Variants in EXOC6B observed in about 807,000 individuals in gnomAD.
The protein encoded by EXOC6B is SEC15 homolog B.
Under a neutral mutation model 113.5 loss-of-function variants are expected in EXOC6B, and 54 were observed. The observed-to-expected ratio is 0.48, with a 90% CI of 0.38 to 0.60. EXOC6B has a LOEUF of 0.60. Among genes scored for constraint, EXOC6B ranks in the 20% least tolerant of loss-of-function variants. The pLI is 0.00. For missense variants in EXOC6B, 797 were observed against 977.5 expected, an observed-to-expected ratio of 0.82 and a Z score of 2.46; for synonymous variants, 357 against 339.0, an observed-to-expected ratio of 1.05 and a Z score of -0.58.
chr2:72,423,749 G>A lies in EXOC6B; in HGVS notation c.1980+41411C>T, dbSNP rs145790683. ...TGTGTGTGCATGCACATACATACAC[G>A]TGCACACATACATACACACATGCAC... On this transcript the variant is annotated intron_variant, in intron 18 of 21. Transcript: ENST00000272427. 4.9e-3 allele frequency among the ~76,000 whole-genome samples: 742 copies of A among 151,890 alleles called. 9 individuals are homozygous for A. Among genetic ancestry groups the A allele is most frequent in the African/African-American group, 0.017 (684 of 41,432 alleles).
intron 6 of EXOC6B, among the ~76,000 whole-genome samples, chr2:72,712,179 G>T (rs985183910): frequency 6.6e-6 from 1 of 152,120 alleles, no homozygotes; most frequent in African/African-American, 2.4e-5. Context: ...CTATACAATT[G>T]TTTCCTAGAT....
chr2:72,381,043 C>T (rs535807952), intron 18 of EXOC6B, among the ~76,000 whole-genome samples: 2 of 152,216 alleles, frequency 1.3e-5, no homozygotes, highest in South Asian at 2.1e-4. Context: ...GTTTAAGCCC[C>T]GGTGTGACCT....
In EXOC6B at chr2:72,416,331, C is replaced by T. The variant is rs182762669; in HGVS notation, c.1981-36461G>A. On this transcript the variant is annotated intron_variant, in intron 18 of 21. Coordinates refer to ENST00000272427, the MANE Select transcript of EXOC6B (RefSeq NM_015189.3). ...TCCTTTCCAATTATGGCAATAGACT[C>T]GCCAAGTCTCAGATCTTGTGATAAC... 6.2e-3 allele frequency among the ~76,000 whole-genome samples: 943 copies of T among 152,306 alleles called. 4 individuals carry two copies. The highest frequency in any genetic ancestry group is 0.01 in the Non-Finnish European group (683 of 68,034).
At chr2:72,627,750 G>A (rs1481530283) in intron 6 of EXOC6B, among the ~76,000 whole-genome samples, 1 of 152,090 alleles carries the variant, frequency 6.6e-6, no homozygotes, top group Non-Finnish European at 1.5e-5. Flanking sequence ...TCAAGGTTAG[G>A]AAATTAACTC....
intron 20 of EXOC6B, among the ~76,000 whole-genome samples, chr2:72,293,296 T>C (rs1373406837): frequency 1.3e-5 from 2 of 152,056 alleles, no homozygotes; most frequent in African/African-American, 2.4e-5. Context: ...CTTATGTTTT[T>C]ATAATATAGT....
At chr2:72,406,465 T>G (rs1052524403) in intron 18 of EXOC6B, among the ~76,000 whole-genome samples, 2 of 152,106 alleles carry the variant, frequency 1.3e-5, no homozygotes, top group African/African-American at 4.8e-5. Flanking sequence ...AAAGCACTCC[T>G]CAGCAAATGT....
intron 8 of EXOC6B, among the ~76,000 whole-genome samples, chr2:72,547,684 T>C (rs564887220): frequency 6.6e-6 from 1 of 152,284 alleles, no homozygotes; most frequent in East Asian, 1.9e-4. Context: ...GAGCTTAAAG[T>C]ACATGCAGAT....
At chr2:72,550,245 T>C (rs949714513) in intron 8 of EXOC6B, among the ~76,000 whole-genome samples, 1 of 152,166 alleles carries the variant, frequency 6.6e-6, no homozygotes, top group Non-Finnish European at 1.5e-5. Context: ...TGAGGAACTA[T>C]CCTTTACCAT....
chr2:72,701,663 C>T (rs940163842), intron 6 of EXOC6B, among the ~76,000 whole-genome samples: 2 of 152,170 alleles, frequency 1.3e-5, no homozygotes, highest in Non-Finnish European at 2.9e-5. Context: ...TTCCCGGAGT[C>T]TATCTTACCT....
chr2:72,583,505 C>A (rs1285638225), intron 6 of EXOC6B, among the ~76,000 whole-genome samples: 1 of 152,162 alleles, frequency 6.6e-6, no homozygotes, highest in African/African-American at 2.4e-5. Context: ...TAACAGTGAA[C>A]TTCTCAGTAG....
chr2:72,260,489 T>C (rs755475712), intron 20 of EXOC6B, among the ~76,000 whole-genome samples: 1 of 152,224 alleles, frequency 6.6e-6, no homozygotes, highest in Non-Finnish European at 1.5e-5. Context: ...TTAAAATATG[T>C]CACCACACAG....
chr2:72,324,111 T>C (rs1275426691), intron 20 of EXOC6B, among the ~76,000 whole-genome samples: 1 of 152,202 alleles, frequency 6.6e-6, no homozygotes, highest in East Asian at 1.9e-4. Flanking sequence ...TGTGTTAAGA[T>C]AGAACATTTA....
chr2:72,714,928 G>C (rs1679511658), intron 6 of EXOC6B, among the ~76,000 whole-genome samples: 1 of 152,184 alleles, frequency 6.6e-6, no homozygotes, highest in South Asian at 2.1e-4. Context: ...ACTACATTTT[G>C]AGGGAATGAT....
At chr2:72,614,273 G>C (rs1362755887) in intron 6 of EXOC6B, among the ~76,000 whole-genome samples, 1 of 152,122 alleles carries the variant, frequency 6.6e-6, no homozygotes, top group African/African-American at 2.4e-5. Flanking sequence ...ATGAAGTAGA[G>C]AATATATATC....
intron 20 of EXOC6B, among the ~76,000 whole-genome samples, chr2:72,328,411 CA>C (rs59050216): frequency 2.0e-3 from 268 of 136,764 alleles, no homozygotes; most frequent in African/African-American, 2.7e-3. Flanking sequence ...GGCACCAATA[CA>C]AAAAAAAAAA....
At chr2:72,621,504 T>C (rs1159660892) in intron 6 of EXOC6B, among the ~76,000 whole-genome samples, 1 of 151,914 alleles carries the variant, frequency 6.6e-6, no homozygotes, top group Non-Finnish European at 1.5e-5. Flanking sequence ...TGGACTACTA[T>C]GGGGGAAATT....
At chr2:72,436,806 T>G (rs886315679) in intron 18 of EXOC6B, among the ~76,000 whole-genome samples, 1 of 152,120 alleles carries the variant, frequency 6.6e-6, no homozygotes, top group Non-Finnish European at 1.5e-5. Context: ...TCCTGTAACC[T>G]TTTATCAAGG....
intron 6 of EXOC6B, among the ~76,000 whole-genome samples, chr2:72,632,918 G>A (rs1007691100): frequency 3.3e-5 from 5 of 151,932 alleles, no homozygotes; most frequent in East Asian, 3.9e-4. Flanking sequence ...TCAAGCGATC[G>A]TCCCACCTCA....
intron 20 of EXOC6B, among the ~76,000 whole-genome samples, chr2:72,208,555 G>A (rs899617533): frequency 4.6e-5 from 7 of 152,054 alleles, no homozygotes; most frequent in South Asian, 4.2e-4. Flanking sequence ...AAACAAATGC[G>A]TGTGCCTTTT....
Sources: allele counts gnomAD v4.1 joint callset (sites outside exome capture counted in the v4.1 genomes callset), GRCh38; gene constraint gnomAD v4.1.1; transcripts MANE v1.5; gene names NCBI Gene and HGNC (gene_info 2026-07-23, HGNC 2026-07-21).